SPTB: variants seen among roughly 807,000 people sequenced by gnomAD.
The protein encoded by SPTB is spectrin beta chain, erythrocytic.
In SPTB, 45 loss-of-function variants were observed where a neutral mutation model predicts 256.2. The ratio of observed to expected loss-of-function variants is 0.18; its 90% CI spans 0.14 to 0.23. The LOEUF (loss-of-function observed/expected upper bound fraction) is 0.23. SPTB is among the 10% of genes least tolerant of loss of function. SPTB has a pLI of 1.00. For synonymous variants in SPTB, 1,231 were observed against 1,243.1 expected (o/e 0.99, Z 0.21); for missense variants, 2,715 against 3,040.4 (o/e 0.89, Z 2.52).
rs968837647 is a variant in SPTB, at chr14:64,795,280, C to T, written c.1644+57G>A. The T allele has an allele frequency of 1.9e-6, 3 of 1,589,852 alleles. No homozygotes were observed. On this transcript the variant is annotated intron_variant, in intron 12 of 35. Transcript: ENST00000644917. This position sits in a 1 kb window ranked among gnomAD's most constrained non-coding sequence, Gnocchi z 6.5. ...AGGAAGCCTATGCTAACTGCAGGGC[C>T]ACTGAGACCCAAGGTGAGCACTGCA...
Position 64,767,343 on chromosome 14 carries a change from T to C in SPTB, c.6229A>G (p.Lys2077Glu). The change falls in exon 31 of 36, where the codon AAA (lysine) becomes GAA (glutamate). Residue 2077 changes from lysine (K) to glutamate (E), a missense_variant. By Grantham distance (56) the Lys-to-Glu change is moderately conservative (BLOSUM62 1). This residue lies in a region of SPTB where 2,239 missense variants were observed against 2,384.4 expected (regional missense o/e 0.94). Coordinates refer to ENST00000644917, the MANE Select transcript of SPTB (RefSeq NM_001355436.2). ...ALEKPTTLELKERQIAERPAE... is the reference protein window; with the variant it reads ...ALEKPTTLELEERQIAERPAE... ...GGTCTCTCTGCAATCTGGCGTTCTTTCAGCTCAAGCTAGAGGAGGAGAAGG... is the reference window on the plus strand; with the variant it reads ...GGTCTCTCTGCAATCTGGCGTTCTTCCAGCTCAAGCTAGAGGAGGAGAAGG... 1.9e-6 allele frequency: 3 copies of C among 1,614,058 alleles called. No homozygotes were observed. The highest frequency in any genetic ancestry group is 2.5e-6 in the Non-Finnish European group (3 of 1,180,028).
intron 20 of SPTB, 49 bp downstream of exon 20, chr14:64,782,241 C>T: frequency 6.2e-7 from 1 of 1,613,726 alleles, no homozygotes. Flanking sequence ...GACTGGCTTC[C>T]ACTATCCCTT....
At chr14:64,877,438 A>G (rs1882878011) in intron 1 of SPTB, among the ~76,000 whole-genome samples, 1 of 152,206 alleles carries the variant, frequency 6.6e-6, no homozygotes, top group South Asian at 2.1e-4. Flanking sequence ...GAACCAAACA[A>G]ACTGAGTTTG....
chr14:64,749,830 G>A lies in SPTB; in HGVS notation c.6777-134C>T, dbSNP rs369368927. 10 of 1,479,178 alleles carry A rather than the reference G, an allele frequency of 6.8e-6. No homozygotes were observed. The Admixed American group carries it at 1.1e-4, about 17-fold the overall frequency. 91.6% of individuals were successfully genotyped at this position (1,479,178 alleles called of 1,614,324 possible). A position where few individuals can be genotyped will look rare whatever the true frequency, so the allele number is the denominator to read the frequency against. On this transcript the variant is annotated intron_variant, in intron 34 of 35. Transcript: ENST00000644917. The surrounding 1 kb of genome is among the most constrained non-coding windows in gnomAD (Gnocchi z 4.7). ...CAGGCAGCCCAGCACTTTCTGAGAG[G>A]TCAAAGTCTGGACCATCAGCCTCTT...
Position 64,786,728 on chromosome 14 carries a change from G to A in SPTB, c.3237C>T (p.Ile1079=). Residue 1079 remains isoleucine (I), a synonymous_variant, in exon 16 of 36, where the codon ATC becomes ATT. Transcript: ENST00000644917. The surrounding 1 kb of genome is among the most constrained non-coding windows in gnomAD (Gnocchi z 5.6). ...CCTCAGAGGCCACAGCCTTCTGGGT[G>A]ATGGAGAGCCAGGCCTGGAAGTCAT... The part of the protein sequence containing the change: ...DLDDFQAWLS[I]TQKAVASEDM... 1 of 1,614,186 alleles carries A rather than the reference G, an allele frequency of 6.2e-7. No individual in the cohort carries two copies. The highest frequency in any genetic ancestry group is 8.5e-7 in the Non-Finnish European group (1 of 1,180,032).
Position 64,766,721 on chromosome 14 carries a change from C to A in SPTB, c.6345+5G>T. On this transcript the variant is annotated splice_donor_5th_base_variant and intron_variant, in intron 32 of 35. Coordinates refer to ENST00000644917, the MANE Select transcript of SPTB (RefSeq NM_001355436.2). ...GGAACTAGACAAACGAGACCAGAGA[C>A]TGACCGGGGACGTTCTCTCGGTGGC... 6.2e-7 allele frequency: 1 copy of A among 1,613,638 alleles called. No homozygotes were observed.
At position 64,847,510 on chromosome 14, in the gene SPTB, T is replaced by C. The variant is rs1358603692; in HGVS notation, c.-51-24365A>G. Reference sequence around the variant, plus strand: ...TTCAGGTACCTTCCCAGGTTGGTGCTAGCTCCTTTCAAGCTACATTGGCTT... The same window carrying C: ...TTCAGGTACCTTCCCAGGTTGGTGCCAGCTCCTTTCAAGCTACATTGGCTT... On this transcript the variant is annotated intron_variant, in intron 1 of 35. Coordinates refer to ENST00000644917, the MANE Select transcript of SPTB (RefSeq NM_001355436.2). The surrounding 1 kb of genome is among the most constrained non-coding windows in gnomAD (Gnocchi z 5.9). Among the ~76,000 whole-genome samples, 1 of 152,074 alleles carries C rather than the reference T, an allele frequency of 6.6e-6. No homozygotes were observed.
chr14:64,837,605 A>C (rs1204363237), intron 1 of SPTB, among the ~76,000 whole-genome samples: 2 of 151,984 alleles, frequency 1.3e-5, no homozygotes, highest in African/African-American at 2.4e-5. Flanking sequence ...ATTTTATTTT[A>C]TTTTTACTTT....
At chr14:64,842,012 C>T (rs556633999) in intron 1 of SPTB, among the ~76,000 whole-genome samples, 1 of 152,282 alleles carries the variant, frequency 6.6e-6, no homozygotes, top group African/African-American at 2.4e-5. Flanking sequence ...AGTGCCTTAC[C>T]AATAGTCACA....
rs1482593988 is a variant in SPTB, at chr14:64,769,047, C to T, written c.6009G>A (p.Glu2003=). ...GGCTGTACTCACACATGCGGAGCCG[C>T]TCCCAGCGGGCTTCCCACTTCTCAT... is the stretch of plus-strand genomic sequence containing the variant. ...EMNEKWEARW[E]RLRMLLEVCQ... is the part of the protein sequence containing the mutation. Residue 2003 remains glutamate (E), a synonymous_variant, in exon 29 of 36, where the codon GAG becomes GAA. Transcript: ENST00000644917. 6.2e-7 allele frequency: 1 copy of T among 1,613,442 alleles called. No individual in the cohort carries two copies. Among genetic ancestry groups the T allele is most frequent in the South Asian group, 1.1e-5 (1 of 91,090 alleles).
chr14:64,829,678 A>G (rs2083422818), intron 1 of SPTB, among the ~76,000 whole-genome samples: 1 of 152,212 alleles, frequency 6.6e-6, no homozygotes, highest in Non-Finnish European at 1.5e-5. Flanking sequence ...TCTTGATTCT[A>G]TTCTACTTTT....
chr14:64,753,697 T>A lies in SPTB; in HGVS notation c.6442A>T (p.Thr2148Ser). 1 of 1,613,744 alleles carries A rather than the reference T, an allele frequency of 6.2e-7. No homozygotes were observed. Among genetic ancestry groups the A allele is most frequent in the South Asian group, 1.1e-5 (1 of 91,088 alleles). The change falls in exon 33 of 36, where the codon ACC (threonine) becomes TCC (serine). Residue 2148 changes from threonine (T) to serine (S), a missense_variant. Physicochemically the swap from Thr to Ser is moderately conservative, Grantham distance 58 (BLOSUM62 1). Around this residue, in one of 4 missense-constraint regions of SPTB, gnomAD observed 2,239 missense variants for 2,384.4 expected, o/e 0.94. Transcript: ENST00000644917. ...AGGACCTTAAAGAGGGGCTCCGTGGTGGGCCTCTCATCCCCAGTGGATTTC... is the reference window on the plus strand; with the variant it reads ...AGGACCTTAAAGAGGGGCTCCGTGGAGGGCCTCTCATCCCCAGTGGATTTC... ...GQKSTGDERP[T>S]TEPLFKVLDT... is the part of the protein sequence containing the mutation.
At chr14:64,763,829 G>A (rs756698831) in intron 32 of SPTB, 1 of 519,012 alleles carries the variant, frequency 1.9e-6, no homozygotes, top group Non-Finnish European at 3.8e-6. Context: ...GGAAGGCGGT[G>A]GGACCGTGCA....
chr14:64,809,886 T>C (rs2083055319), intron 2 of SPTB, among the ~76,000 whole-genome samples: 1 of 152,184 alleles, frequency 6.6e-6, no homozygotes, highest in Non-Finnish European at 1.5e-5. Context: ...AAAGGCATGC[T>C]GAGGTCTTGA....
chr14:64,809,151 A>G (rs2083040499), intron 2 of SPTB, among the ~76,000 whole-genome samples: 1 of 149,968 alleles, frequency 6.7e-6, no homozygotes, highest in South Asian at 2.2e-4. Flanking sequence ...AATCCCAGCT[A>G]TTCAGGAGGC....
At chr14:64,854,592 T>C (rs993671869) in intron 1 of SPTB, among the ~76,000 whole-genome samples, 2 of 152,072 alleles carry the variant, frequency 1.3e-5, no homozygotes, top group Admixed American at 1.3e-4. Context: ...TTCCGGAATC[T>C]TGATTGGAGA....
chr14:64,753,007 C>A (rs891083252), intron 33 of SPTB, among the ~76,000 whole-genome samples: 2 of 152,112 alleles, frequency 1.3e-5, no homozygotes, highest in Non-Finnish European at 2.9e-5. Context: ...CAGATGACAG[C>A]ATTAGAAGGG....
At chr14:64,773,131 T>C in intron 25 of SPTB, 89 bp downstream of exon 25, 2 of 1,576,588 alleles carry the variant, frequency 1.3e-6, no homozygotes, top group South Asian at 2.3e-5. Flanking sequence ...GGTTACGTCC[T>C]ATGCAGCACT....
At chr14:64,831,377 A>AT (rs146502296) in intron 1 of SPTB, among the ~76,000 whole-genome samples, 2,390 of 152,332 alleles carry the variant, frequency 0.016, 30 homozygotes, top group Middle Eastern at 0.078. Context: ...CAGAGCCAAA[A>AT]TTATTGACAA....
Sources: gnomAD v4.1 joint callset for allele counts (sites outside exome capture counted in the v4.1 genomes callset) on GRCh38, gnomAD v4.1.1 for gene constraint, gnomAD v4.1.1 regional missense constraint, Gnocchi (gnomAD v3.1) non-coding constraint, MANE v1.5 for transcripts, NCBI Gene and HGNC (gene_info 2026-07-23, HGNC 2026-07-21) for gene names.